The following FAT3 variants were observed in gnomAD, a reference collection of about 807,000 sequenced individuals.
The protein encoded by FAT3 is protocadherin Fat 3.
In FAT3, 95 loss-of-function variants were observed where a neutral mutation model predicts 310.2. That is an observed-to-expected ratio of 0.31 (90% confidence interval 0.26 to 0.36). FAT3 has a LOEUF of 0.36. Among genes scored for constraint, FAT3 ranks in the 10% least tolerant of loss-of-function variants. FAT3 has a pLI of 1.00. For synonymous variants in FAT3, 2,314 were observed against 2,192.9 expected (o/e 1.06, Z -1.54); for missense variants, 5,408 against 5,715.6 (o/e 0.95, Z 1.74).
intron 3 of FAT3, among the ~76,000 whole-genome samples, chr11:92,676,465 C>A (rs944675930): frequency 2.6e-5 from 4 of 152,150 alleles, no homozygotes; most frequent in African/African-American, 7.2e-5. Flanking sequence ...TACAGCTAAG[C>A]CCCTCATGAT....
At chr11:92,395,189 A>G (rs191447800) in intron 2 of FAT3, among the ~76,000 whole-genome samples, 15 of 152,294 alleles carry the variant, frequency 9.8e-5, no homozygotes, top group East Asian at 3.9e-4. Flanking sequence ...TCCTTTACCA[A>G]TTTCTCACTT....
chr11:92,598,230 A>ATATATATTT (rs756896313), intron 3 of FAT3, among the ~76,000 whole-genome samples: 4 of 134,450 alleles, frequency 3.0e-5, no homozygotes, highest in Non-Finnish European at 4.7e-5. Flanking sequence ...ATATATATAT[A>ATATATATTT]TTTTTTTTTT....
chr11:92,618,473 G>T (rs1940927224), intron 3 of FAT3, among the ~76,000 whole-genome samples: 2 of 152,158 alleles, frequency 1.3e-5, no homozygotes, highest in Admixed American at 6.5e-5. Context: ...CACTCTGTGG[G>T]CTGCACCCAC....
At chr11:92,404,779 TC>T (rs1251839644) in intron 2 of FAT3, among the ~76,000 whole-genome samples, 1 of 151,874 alleles carries the variant, frequency 6.6e-6, no homozygotes, top group Non-Finnish European at 1.5e-5. Flanking sequence ...TGGGTGAGTA[TC>T]ACTCAACCCA....
At chr11:92,591,233 A>G (rs1682275041) in intron 3 of FAT3, among the ~76,000 whole-genome samples, 1 of 152,136 alleles carries the variant, frequency 6.6e-6, no homozygotes, top group Non-Finnish European at 1.5e-5. Flanking sequence ...TGGTGACCTC[A>G]TCTCCTCTTA....
At chr11:92,850,139 A>G (rs1401728509) in intron 19 of FAT3, among the ~76,000 whole-genome samples, 1 of 152,166 alleles carries the variant, frequency 6.6e-6, no homozygotes, top group Non-Finnish European at 1.5e-5. Context: ...GCTAATGCTA[A>G]TTTTCTAAGG....
intron 1 of FAT3, among the ~76,000 whole-genome samples, chr11:92,314,527 T>G (rs1223173139): frequency 6.6e-6 from 1 of 152,124 alleles, no homozygotes; most frequent in Non-Finnish European, 1.5e-5. Context: ...AAATTGGAGT[T>G]TGGGTTTTTG....
At chr11:92,417,805 C>G (rs1344552890) in intron 2 of FAT3, among the ~76,000 whole-genome samples, 1 of 152,188 alleles carries the variant, frequency 6.6e-6, no homozygotes, top group Non-Finnish European at 1.5e-5. Flanking sequence ...TAGACCCTGA[C>G]TTTCCTGATT....
rs568963146 is a variant in FAT3 at position 92,376,791 on chromosome 11, T to C, written c.3292+21387T>C. On this transcript the variant is annotated intron_variant, in intron 2 of 27. Transcript: ENST00000525166. ...TCTTAGTGCTTCTGAGTTGCTCAGA[T>C]TTGGCAAATTTTGAATAGACATATA... 2.6e-5 allele frequency among the ~76,000 whole-genome samples: 4 copies of C among 152,296 alleles called. No homozygotes were observed. The South Asian group carries it at 8.3e-4, about 32-fold the overall frequency.
chr11:92,464,420 A>G (rs1057421201), intron 2 of FAT3, among the ~76,000 whole-genome samples: 10 of 152,262 alleles, frequency 6.6e-5, no homozygotes, highest in African/African-American at 1.9e-4. Flanking sequence ...TCAAATCACT[A>G]TCTCCGATTA....
At chr11:92,574,087 A>C (rs1244692662) in intron 3 of FAT3, among the ~76,000 whole-genome samples, 2 of 152,174 alleles carry the variant, frequency 1.3e-5, no homozygotes, top group Non-Finnish European at 2.9e-5. Context: ...CTCAAGAGGG[A>C]AGAGAAATTT....
At chr11:92,479,870 G>T (rs1232243029) in intron 2 of FAT3, among the ~76,000 whole-genome samples, 1 of 152,114 alleles carries the variant, frequency 6.6e-6, no homozygotes, top group Non-Finnish European at 1.5e-5. Context: ...ATAAACTGCT[G>T]TCCATCTCGT....
At chr11:92,325,742 C>CT (rs1947745706) in intron 1 of FAT3, among the ~76,000 whole-genome samples, 1 of 152,180 alleles carries the variant, frequency 6.6e-6, no homozygotes, top group South Asian at 2.1e-4. Flanking sequence ...ATTGATTCTC[C>CT]TGCCTCAGTC....
intron 4 of FAT3, among the ~76,000 whole-genome samples, chr11:92,758,931 G>A (rs1439401659): frequency 1.3e-5 from 2 of 152,154 alleles, no homozygotes; most frequent in African/African-American, 4.8e-5. Context: ...AGGAAAAGGA[G>A]GAGGTTTGAG....
intron 2 of FAT3, among the ~76,000 whole-genome samples, chr11:92,491,002 G>A (rs1233669361): frequency 6.6e-6 from 1 of 151,954 alleles, no homozygotes; most frequent in Non-Finnish European, 1.5e-5. Context: ...ATTCTCTTCT[G>A]TGAAGAGGAT....
chr11:92,637,334 T>G (rs559293159), intron 3 of FAT3, among the ~76,000 whole-genome samples: 1 of 152,286 alleles, frequency 6.6e-6, no homozygotes, highest in African/African-American at 2.4e-5. Context: ...TATTGTCCTG[T>G]TATCTTAGAA....
At chr11:92,670,067 GGT>G (rs1943081374) in intron 3 of FAT3, among the ~76,000 whole-genome samples, 1 of 152,078 alleles carries the variant, frequency 6.6e-6, no homozygotes, top group African/African-American at 2.4e-5. Flanking sequence ...GTACCACAGT[GGT>G]GTTTTCTGGC....
At chr11:92,312,465 A>G (rs1947333347) in intron 1 of FAT3, among the ~76,000 whole-genome samples, 1 of 152,172 alleles carries the variant, frequency 6.6e-6, no homozygotes, top group African/African-American at 2.4e-5. Flanking sequence ...CTGAAAGTAG[A>G]TGAATCACCC....
intron 1 of FAT3, among the ~76,000 whole-genome samples, chr11:92,331,515 T>C (rs529181247): frequency 2.6e-5 from 4 of 152,178 alleles, no homozygotes; most frequent in Non-Finnish European, 5.9e-5. Flanking sequence ...AAACCCCTTC[T>C]TATTAAAGTG....
Sources: allele counts gnomAD v4.1 joint callset (sites outside exome capture counted in the v4.1 genomes callset), GRCh38; gene constraint gnomAD v4.1.1; transcripts MANE v1.5; gene names NCBI Gene and HGNC (gene_info 2026-07-23, HGNC 2026-07-21).